Variants in PLXNB2 observed in about 807,000 individuals in gnomAD.
The protein encoded by PLXNB2 is plexin-B2.
Under a neutral mutation model 202.6 loss-of-function variants are expected in PLXNB2, and 85 were observed. The observed-to-expected ratio is 0.42, with a 90% CI of 0.35 to 0.50. The LOEUF (loss-of-function observed/expected upper bound fraction) is 0.50, where lower values mean the gene tolerates loss of function less well. Among genes scored for constraint, PLXNB2 ranks in the 20% least tolerant of loss-of-function variants. The pLI is 0.02. For missense variants in PLXNB2, 2,063 were observed against 2,586.2 expected (o/e 0.80, Z 4.39); for synonymous variants, 1,239 against 1,137.6 (o/e 1.09, Z -1.79).
chr22:50,281,303 G>A (rs1040430972), intron 22 of PLXNB2, 57 bp downstream of exon 22: 3 of 1,595,878 alleles, frequency 1.9e-6, no homozygotes, highest in African/African-American at 1.3e-5. Flanking sequence ...GGCCAGAGGG[G>A]CCGAGGCGGG....
chr22:50,285,878 C>T lies in PLXNB2; in HGVS notation c.2010G>A (p.Leu670=). 6.2e-7 allele frequency: 1 copy of T among 1,612,716 alleles called. No homozygotes were observed. The highest frequency in any genetic ancestry group is 8.5e-7 in the Non-Finnish European group (1 of 1,179,770). The part of the protein sequence containing the change: ...AHMEDSCPQF[L]GPSPLVIPMN... ...TGGGGATCACCAGGGGGCTGGGTCC[C>T]AGGAACTGGGGACAGCTGTCCTCCT... is the stretch of plus-strand genomic sequence containing the variant. The change falls in exon 11 of 37, where the codon CTG becomes CTA. Residue 670 remains leucine (L), a synonymous_variant. Coordinates refer to ENST00000359337, the MANE Select transcript of PLXNB2 (RefSeq NM_012401.4).
rs1370018975 is a variant in PLXNB2 at position 50,275,524 on chromosome 22, T to A, written c.*180A>T. The A allele has an allele frequency of 3.0e-6, 2 of 666,868 alleles. No homozygotes were observed. Among genetic ancestry groups the A allele is most frequent in the Admixed American group, 4.3e-5 (2 of 46,548 alleles). 41.3% of individuals were successfully genotyped at this position (666,868 alleles called of 1,614,324 possible). A position where few individuals can be genotyped will look rare whatever the true frequency, so the allele number is the denominator to read the frequency against. ...GGTGCTGGTGCGGTGCCCGGCGGTA[T>A]TGCTCAGAGGAAGATGCTACAGTCT... On this transcript the variant is annotated 3_prime_UTR_variant, in exon 37 of 37. Transcript: ENST00000359337.
rs543422894 is a variant in PLXNB2, at chr22:50,282,200, G to C, written c.3101C>G (p.Ser1034Cys). ...AGGACTGACCGTCATGGGCTGCAGG[G>C]ATTCAGCCTCCCGCGGCGGCTGCCA... is the stretch of plus-strand genomic sequence containing the variant. ...QSWQPPREAE[S>C]LQPMTVVGTD... Residue 1034 changes from serine to cysteine, a missense_variant, in exon 19 of 37, where the codon TCC (serine) becomes TGC (cysteine). By Grantham distance (112) the Ser-to-Cys change is moderately radical (BLOSUM62 -1). Transcript: ENST00000359337. The C allele has an allele frequency of 6.2e-7, 1 of 1,611,038 alleles. No homozygotes were observed. Among genetic ancestry groups the C allele is most frequent in the East Asian group, 2.2e-5 (1 of 44,864 alleles).
At position 50,285,891 on chromosome 22, in the gene PLXNB2, C is replaced by T; in HGVS notation, c.1997G>A (p.Cys666Tyr). The T allele has an allele frequency of 6.2e-7, 1 of 1,612,262 alleles. No homozygotes were observed. Among genetic ancestry groups the T allele is most frequent in the Non-Finnish European group, 8.5e-7 (1 of 1,179,464 alleles). The change falls in exon 11 of 37, where the codon TGT (cysteine) becomes TAT (tyrosine). Residue 666 changes from cysteine (C) to tyrosine (Y), a missense_variant. Transcript: ENST00000359337. ...GIVRAHMEDS[C>Y]PQFLGPSPLV... ...GGGGCTGGGTCCCAGGAACTGGGGA[C>T]AGCTGTCCTCCTGGGAGAGTAAGGC...
In PLXNB2 at chr22:50,287,129, C is replaced by T. The variant is rs771834961; in HGVS notation, c.1744G>A (p.Val582Ile). 30 of 1,530,072 alleles carry T rather than the reference C, an allele frequency of 2.0e-5. No individual in the cohort carries two copies. The highest frequency in any genetic ancestry group is 2.5e-5 in the East Asian group (1 of 40,456). The allele number at this position is 1,530,072 out of a possible 1,614,324, so 94.8% of individuals were successfully genotyped here. A position where few individuals can be genotyped will look rare whatever the true frequency, so the allele number is the denominator to read the frequency against. The change falls in exon 8 of 37, where the codon GTC (valine) becomes ATC (isoleucine). Residue 582 changes from valine (V) to isoleucine (I), a missense_variant. Physicochemically the swap from Val to Ile is conservative, Grantham distance 29. Around this residue, in one of 2 missense-constraint regions of PLXNB2, gnomAD observed 1,303 missense variants for 1,476.8 expected, o/e 0.88. Transcript: ENST00000359337. ...GCCTCACCCTGGCCTGGCGGTGTGA[C>T]GGGGATGCTGCTTGGGGAGTTGCAG... ...VICNSPSSIPVTPPGQDHVAV... is the reference protein window; with the variant it reads ...VICNSPSSIPITPPGQDHVAV...
chr22:50,287,167 C>A lies in PLXNB2; in HGVS notation c.1706G>T (p.Gly569Val). 1 of 1,547,284 alleles carries A rather than the reference C, an allele frequency of 6.5e-7. No homozygotes were observed. The highest frequency in any genetic ancestry group is 1.2e-5 in the South Asian group (1 of 83,772). ...ESPPHPARVE[G>V]EAVICNSPSS... ...TGGGGAGTTGCAGATGACGGCCTCG[C>A]CCTCCACGCGGGCGGGGTGTGGCGG... is the stretch of plus-strand genomic sequence containing the variant. Residue 569 changes from glycine (G) to valine (V), a missense_variant, in exon 8 of 37, where the codon GGC (glycine) becomes GTC (valine). Physicochemically the swap from Gly to Val is moderately radical, Grantham distance 109 (BLOSUM62 -3). This residue lies in a region of PLXNB2 where 1,303 missense variants were observed against 1,476.8 expected (regional missense o/e 0.88). Transcript: ENST00000359337.
At position 50,280,521 on chromosome 22, in the gene PLXNB2, C is replaced by T; in HGVS notation, c.4143G>A (p.Val1381=). The T allele has an allele frequency of 6.2e-7, 1 of 1,610,984 alleles. No individual in the cohort carries two copies. The change falls in exon 25 of 37, where the codon GTG becomes GTA. Residue 1381 remains valine (V), a synonymous_variant. Transcript: ENST00000359337. ...GCATCAGCTTGGGGTTCTTGGCCACCACGTACTGCTCCAGGAGCTCCAGGA... is the reference window on the plus strand; with the variant it reads ...GCATCAGCTTGGGGTTCTTGGCCACTACGTACTGCTCCAGGAGCTCCAGGA... ...TLFLELLEQY[V]VAKNPKLMLR... is the part of the protein sequence containing the mutation.
Position 50,283,143 on chromosome 22 carries a change from G to A in PLXNB2, c.2723C>T (p.Ala908Val), listed in dbSNP as rs754227017. ...LSVEPQQGPQ[A>V]GGTTLTIHGT... ...GTGGATGGTCAGTGTGGTGCCGCCC[G>A]CCTGCGGTCCCTGCTGCGGCTCCAC... is the stretch of plus-strand genomic sequence containing the variant. Residue 908 changes from alanine (A) to valine (V), a missense_variant, in exon 17 of 37, where the codon GCG becomes GTG. Physicochemically the swap from Ala to Val is moderately conservative, Grantham distance 64 (BLOSUM62 0). Transcript: ENST00000359337. 1.0e-5 allele frequency: 16 copies of A among 1,596,984 alleles called. No individual in the cohort carries two copies. Among genetic ancestry groups the A allele is most frequent in the Middle Eastern group, 1.7e-4 (1 of 5,834 alleles).
Position 50,281,381 on chromosome 22 carries a change from G to A in PLXNB2, c.3641C>T (p.Ala1214Val), listed in dbSNP as rs754343905. 15 of 1,612,064 alleles carry A rather than the reference G, an allele frequency of 9.3e-6. No individual in the cohort carries two copies. Among genetic ancestry groups the A allele is most frequent in the African/African-American group, 8.0e-5 (6 of 74,912 alleles). Residue 1214 changes from alanine to valine, a missense_variant, in exon 22 of 37, where the codon GCG becomes GTG. Transcript: ENST00000359337. ...LVIVPMVVVI[A>V]VSVYCYWRKS... ...TCACCAGTAGCAGTAGACAGACACC[G>A]CGATGACGACCACCATGGGCACGAT...
rs78131598 is a variant in PLXNB2 at position 50,297,003 on chromosome 22, A to G, written c.-73-2225T>C. Among the ~76,000 whole-genome samples, 6,354 of 152,256 alleles carry G rather than the reference A, an allele frequency of 0.042. 423 individuals carry two copies. Among genetic ancestry groups the G allele is most frequent in the African/African-American group, 0.14 (6,004 of 41,514 alleles). On this transcript the variant is annotated intron_variant, in intron 1 of 36. Coordinates refer to ENST00000359337, the MANE Select transcript of PLXNB2 (RefSeq NM_012401.4). This position sits in a 1 kb window ranked among gnomAD's most constrained non-coding sequence, Gnocchi z 5.3. ...GATGAGGTTTCGGGGGGCAGAGGGC[A>G]TCCTTTCGACCTGAGACTCAACAGC...
At chr22:50,280,141 G>T in intron 25 of PLXNB2, 70 bp from the exon 26 acceptor site, 1 of 1,305,570 alleles carries the variant, frequency 7.7e-7, no homozygotes, top group Non-Finnish European at 1.1e-6. Context: ...ACTCCTCCAA[G>T]CACCCGGCCA....
chr22:50,284,228 G>A lies in PLXNB2; in HGVS notation c.2182-15C>T, dbSNP rs2066249865. On this transcript the variant is annotated splice_polypyrimidine_tract_variant and intron_variant, in intron 12 of 36. Coordinates refer to ENST00000359337, the MANE Select transcript of PLXNB2 (RefSeq NM_012401.4). The surrounding 1 kb of genome is among the most constrained non-coding windows in gnomAD (Gnocchi z 8.0). ...TCGTGGGACAGCTGGGGGACACGCA[G>A]GGGCACACTGCACTTCCTGCCCCCA... 1 of 1,610,974 alleles carries A rather than the reference G, an allele frequency of 6.2e-7. No individual in the cohort carries two copies. Among genetic ancestry groups the A allele is most frequent in the Non-Finnish European group, 8.5e-7 (1 of 1,178,438 alleles).
rs756048769 is a variant in PLXNB2, at chr22:50,297,456, G to A, written c.-73-2678C>T. Among the ~76,000 whole-genome samples, 11 of 152,108 alleles carry A rather than the reference G, an allele frequency of 7.2e-5. No homozygotes were observed. Among genetic ancestry groups the A allele is most frequent in the East Asian group, 1.9e-4 (1 of 5,192 alleles). ...GCCGTCCTCTTCCCTGGCCCTCACCGTGGAGAACGGCCATGGATTTCCCCT... is the reference window on the plus strand; with the variant it reads ...GCCGTCCTCTTCCCTGGCCCTCACCATGGAGAACGGCCATGGATTTCCCCT... On this transcript the variant is annotated intron_variant, in intron 1 of 36. Transcript: ENST00000359337. The surrounding 1 kb of genome is among the most constrained non-coding windows in gnomAD (Gnocchi z 5.3).
intron 15 of PLXNB2, 63 bp from the exon 16 acceptor site, chr22:50,283,508 C>CA: frequency 6.9e-7 from 1 of 1,455,884 alleles, no homozygotes; most frequent in Non-Finnish European, 9.5e-7. Context: ...CTGACACCCT[C>CA]ACCCCCTCAG....
rs1569176933 is a variant in PLXNB2 at position 50,291,877 on chromosome 22, C to T, written c.-13-1280G>A. The stretch of plus-strand genomic sequence containing the variant: ...GGCAGGTGCCAAGGGGGTCCAGACT[C>T]GATGGCAGAGGGTTACGAGGGATGG... On this transcript the variant is annotated intron_variant, in intron 2 of 36. Coordinates refer to ENST00000359337, the MANE Select transcript of PLXNB2 (RefSeq NM_012401.4). This position sits in a 1 kb window ranked among gnomAD's most constrained non-coding sequence, Gnocchi z 4.3. 6.6e-6 allele frequency among the ~76,000 whole-genome samples: 1 copy of T among 152,192 alleles called. No individual in the cohort carries two copies. Among genetic ancestry groups the T allele is most frequent in the South Asian group, 2.1e-4 (1 of 4,832 alleles).
chr22:50,285,013 C>G (rs1467797091), intron 11 of PLXNB2: 1 of 441,126 alleles, frequency 2.3e-6, no homozygotes, highest in Non-Finnish European at 4.5e-6. Context: ...GCCTCCTCCA[C>G]TGCCTCTCTT....
rs2066029209 is a variant in PLXNB2, at chr22:50,282,016, A to C, written c.3183T>G (p.Pro1061=). 3 of 1,612,524 alleles carry C rather than the reference A, an allele frequency of 1.9e-6. No homozygotes were observed. The highest frequency in any genetic ancestry group is 2.5e-6 in the Non-Finnish European group (3 of 1,179,876). The change falls in exon 20 of 37, where the codon CCT becomes CCG. Residue 1061 remains proline, a synonymous_variant. Transcript: ENST00000359337. The part of the protein sequence containing the change: ...TKVVFLSPAV[P]EEPEAYNLTV... Reference sequence around the variant, plus strand: ...TGAGGTTGTAGGCCTCTGGCTCCTCAGGCACAGCCGGGGACAGGAAGACGA... The same window carrying C: ...TGAGGTTGTAGGCCTCTGGCTCCTCCGGCACAGCCGGGGACAGGAAGACGA...
In PLXNB2 at chr22:50,289,210, C is replaced by T; in HGVS notation, c.1069-68G>A. 1 of 1,370,520 alleles carries T rather than the reference C, an allele frequency of 7.3e-7. No individual in the cohort carries two copies. The highest frequency in any genetic ancestry group is 9.8e-7 in the Non-Finnish European group (1 of 1,024,766). The allele number at this position is 1,370,520 out of a possible 1,614,324, so 84.9% of individuals were successfully genotyped here. ...TGAAGGGCCCTCTCCACTCGCGCTC[C>T]AAGACTCGGGACAGGCCCTTCCCTT... is the stretch of plus-strand genomic sequence containing the variant. On this transcript the variant is annotated intron_variant, in intron 3 of 36. Coordinates refer to ENST00000359337, the MANE Select transcript of PLXNB2 (RefSeq NM_012401.4). This position sits in a 1 kb window ranked among gnomAD's most constrained non-coding sequence, Gnocchi z 8.0.
intron 11 of PLXNB2, among the ~76,000 whole-genome samples, chr22:50,285,163 C>T (rs1253302975): frequency 2.6e-5 from 4 of 151,820 alleles, no homozygotes; most frequent in East Asian, 1.9e-4. Flanking sequence ...CAGCACTGGC[C>T]GGCACCCCTC....
Sources: allele counts gnomAD v4.1 joint callset (sites outside exome capture counted in the v4.1 genomes callset), GRCh38; gene constraint gnomAD v4.1.1; regional missense constraint gnomAD v4.1.1; non-coding constraint Gnocchi (gnomAD v3.1); transcripts MANE v1.5; gene names NCBI Gene and HGNC (gene_info 2026-07-23, HGNC 2026-07-21).